Variants in FRMD4B observed in about 807,000 individuals in gnomAD.
FRMD4B encodes the protein FERM domain containing 4B.
In FRMD4B, 74 loss-of-function variants were observed where a neutral mutation model predicts 141.5. The observed-to-expected ratio is 0.52, with a 90% CI of 0.43 to 0.63. The LOEUF is 0.63. FRMD4B is among the 30% of genes least tolerant of loss of function. The pLI is 0.00. For missense variants in FRMD4B, 1,366 were observed against 1,253.4 expected, an observed-to-expected ratio of 1.09 and a Z score of -1.36; for synonymous variants, 506 against 467.9, an observed-to-expected ratio of 1.08 and a Z score of -1.05.
intron 1 of FRMD4B, among the ~76,000 whole-genome samples, chr3:69,534,464 C>T (rs998684509): frequency 6.6e-6 from 1 of 152,212 alleles, no homozygotes; most frequent in East Asian, 1.9e-4. Flanking sequence ...AAACACAGCT[C>T]TAGACTTTTT....
intron 1 of FRMD4B, among the ~76,000 whole-genome samples, chr3:69,345,073 A>T (rs1051148633): frequency 6.6e-6 from 1 of 151,868 alleles, no homozygotes; most frequent in Non-Finnish European, 1.5e-5. Context: ...GGGTCAGGGA[A>T]TTCCCTTTCC....
intron 22 of FRMD4B, 92 bp from the exon 23 acceptor site, chr3:69,172,073 G>A: frequency 8.2e-7 from 1 of 1,223,052 alleles, no homozygotes. Context: ...TTAGTAGGAA[G>A]CACTGTTAAG....
intron 2 of FRMD4B, among the ~76,000 whole-genome samples, chr3:69,431,126 A>T (rs1294116348): frequency 6.6e-6 from 1 of 152,196 alleles, no homozygotes; most frequent in African/African-American, 2.4e-5. Flanking sequence ...GAGGACAGGG[A>T]GCTAAGGAGG....
intron 2 of FRMD4B, among the ~76,000 whole-genome samples, chr3:69,401,910 G>A (rs1704570180): frequency 6.6e-6 from 1 of 152,158 alleles, no homozygotes; most frequent in Non-Finnish European, 1.5e-5. Context: ...TACAACCACT[G>A]TAATCTATAC....
chr3:69,204,960 T>C (rs898144370), intron 11 of FRMD4B, among the ~76,000 whole-genome samples: 4 of 149,424 alleles, frequency 2.7e-5, no homozygotes, highest in Admixed American at 6.8e-5. Flanking sequence ...GATACTTAAA[T>C]ACTGCCAGGC....
At chr3:69,337,449 G>A (rs999888821) in intron 1 of FRMD4B, among the ~76,000 whole-genome samples, 1 of 152,132 alleles carries the variant, frequency 6.6e-6, no homozygotes, top group Non-Finnish European at 1.5e-5. Flanking sequence ...AGCCAAAATT[G>A]ACAAATGGGG....
chr3:69,436,042 C>G (rs1705254409), intron 1 of FRMD4B, among the ~76,000 whole-genome samples: 1 of 152,138 alleles, frequency 6.6e-6, no homozygotes, highest in South Asian at 2.1e-4. Flanking sequence ...AATCAAAGGA[C>G]AGGAGATTCA....
At chr3:69,279,673 T>A (rs2093634557) in intron 5 of FRMD4B, among the ~76,000 whole-genome samples, 2 of 139,354 alleles carry the variant, frequency 1.4e-5, no homozygotes, top group East Asian at 4.5e-4. Flanking sequence ...CTCCTTCTCC[T>A]CCTCCTCCTC....
At chr3:69,540,660 TAC>T (rs1161119924) in intron 1 of FRMD4B, among the ~76,000 whole-genome samples, 1,146 of 56,466 alleles carry the variant, frequency 0.02, 26 homozygotes, top group African/African-American at 0.036. Flanking sequence ...TATATATATA[TAC>T]ACACACACAC....
chr3:69,501,024 G>A (rs1010932686), intron 1 of FRMD4B, among the ~76,000 whole-genome samples: 2 of 152,238 alleles, frequency 1.3e-5, no homozygotes, highest in Non-Finnish European at 2.9e-5. Flanking sequence ...GTGTGGTGTA[G>A]TTTAAGACAC....
At chr3:69,358,516 G>T (rs1215548743) in intron 1 of FRMD4B, among the ~76,000 whole-genome samples, 1 of 152,134 alleles carries the variant, frequency 6.6e-6, no homozygotes, top group African/African-American at 2.4e-5. Flanking sequence ...AAAACAGATT[G>T]CTTGAGTTCA....
chr3:69,302,410 C>G lies in FRMD4B; in HGVS notation c.349G>C (p.Asp117His). Residue 117 changes from aspartate (D) to histidine (H), a missense_variant, in exon 4 of 23, where the codon GAT (aspartate) becomes CAT (histidine). Asp to His is a moderately conservative substitution (Grantham distance 81). Coordinates refer to ENST00000398540, the MANE Select transcript of FRMD4B (RefSeq NM_015123.3). ...DTGQQNWLQL[D>H]HRVLDHDLPK... Reference sequence around the variant, plus strand: ...AAATCGTGGTCAAGAACTCGGTGATCTAACTGCAGCCAGTTCTGCTGACCT... The same window carrying G: ...AAATCGTGGTCAAGAACTCGGTGATGTAACTGCAGCCAGTTCTGCTGACCT... 1.2e-6 allele frequency: 2 copies of G among 1,604,168 alleles called. No individual in the cohort carries two copies. Among genetic ancestry groups the G allele is most frequent in the Non-Finnish European group, 1.7e-6 (2 of 1,173,520 alleles).
At chr3:69,261,411 G>C (rs575518456) in intron 5 of FRMD4B, among the ~76,000 whole-genome samples, 1 of 152,326 alleles carries the variant, frequency 6.6e-6, no homozygotes, top group East Asian at 1.9e-4. Context: ...GATTATGACT[G>C]CTTTTAGTGT....
chr3:69,433,564 A>G (rs2106841442), intron 1 of FRMD4B, among the ~76,000 whole-genome samples: 1 of 152,320 alleles, frequency 6.6e-6, no homozygotes. Flanking sequence ...CAAGGCATCT[A>G]GGTGCAAGAT....
rs1704920985 is a variant in FRMD4B at position 69,418,820 on chromosome 3, C to CTG, written c.-1+13813_-1+13814insCA. Among the ~76,000 whole-genome samples, 4 of 134,686 alleles carry CTG rather than the reference C, an allele frequency of 3.0e-5. No individual in the cohort carries two copies. The South Asian group carries it at 1.0e-3, about 34-fold the overall frequency. 88.4% of individuals were successfully genotyped at this position (134,686 alleles called of 152,430 possible). On this transcript the variant is annotated intron_variant, in intron 2 of 5. Transcript: ENST00000459638. Reference sequence around the variant, plus strand: ...TGCCCAGACTCCTGGCCCATAGCAACTATGTGTGTGTGTGTGTGTGTGTAT... The same window carrying CTG: ...TGCCCAGACTCCTGGCCCATAGCAACTGTATGTGTGTGTGTGTGTGTGTGTAT...
chr3:69,235,075 A>G (rs1289748450), intron 7 of FRMD4B, among the ~76,000 whole-genome samples: 2 of 151,158 alleles, frequency 1.3e-5, no homozygotes, highest in Non-Finnish European at 1.5e-5. Flanking sequence ...GCTTGAACCC[A>G]GGAGGCGGAG....
chr3:69,313,140 C>T (rs115980965), intron 2 of FRMD4B, among the ~76,000 whole-genome samples: 1,596 of 152,284 alleles, frequency 0.01, 19 homozygotes, highest in African/African-American at 0.036. Context: ...CGGCAAGAGA[C>T]TCAGAGAAGT....
intron 11 of FRMD4B, chr3:69,200,569 G>A: frequency 8.8e-7 from 1 of 1,140,436 alleles, no homozygotes; most frequent in Non-Finnish European, 1.1e-6. Flanking sequence ...GCCTCCCACG[G>A]CTGACACACT....
intron 1 of FRMD4B, chr3:69,535,777 G>T: frequency 2.1e-6 from 1 of 473,308 alleles, no homozygotes; most frequent in South Asian, 1.5e-5. Context: ...CACCACCTTG[G>T]ACCCACTGCC....
Sources: allele counts gnomAD v4.1 joint callset (sites outside exome capture counted in the v4.1 genomes callset), GRCh38; gene constraint gnomAD v4.1.1; transcripts MANE v1.5; gene names NCBI Gene and HGNC (gene_info 2026-07-23, HGNC 2026-07-21).